BMP6: variants seen among roughly 807,000 people sequenced by gnomAD.
BMP6 encodes VG-1-R.
A neutral mutation model predicts 54.1 loss-of-function variants in BMP6; 17 were observed. The observed-to-expected ratio is 0.31, with a 90% CI of 0.22 to 0.47. The LOEUF is 0.47. BMP6 is among the 20% of genes least tolerant of loss of function. BMP6 has a pLI of 1.00. For missense variants in BMP6, 720 were observed against 690.4 expected (o/e 1.04, Z -0.48); for synonymous variants, 328 against 291.2 (o/e 1.13, Z -1.28).
chr6:7,768,624 G>A (rs1247596252), intron 1 of BMP6, among the ~76,000 whole-genome samples: 1 of 152,104 alleles, frequency 6.6e-6, no homozygotes, highest in East Asian at 1.9e-4. Flanking sequence ...TTTTTGCCCC[G>A]TTCTTATTGA....
chr6:7,860,961 T>C (rs1309510400), intron 2 of BMP6, among the ~76,000 whole-genome samples: 1 of 152,122 alleles, frequency 6.6e-6, no homozygotes, highest in Non-Finnish European at 1.5e-5. Flanking sequence ...TTTTTAGAGC[T>C]TATTAGCCAT....
At chr6:7,825,226 C>CTGTT (rs2113228787) in intron 1 of BMP6, among the ~76,000 whole-genome samples, 1 of 151,814 alleles carries the variant, frequency 6.6e-6, no homozygotes, top group Admixed American at 6.6e-5. Context: ...CTTACGTGAG[C>CTGTT]TGTAATCACA....
At chr6:7,789,094 A>G (rs1758058765) in intron 1 of BMP6, among the ~76,000 whole-genome samples, 1 of 152,216 alleles carries the variant, frequency 6.6e-6, no homozygotes, top group African/African-American at 2.4e-5. Context: ...TAACATATCC[A>G]TCACCTCGGT....
intron 1 of BMP6, among the ~76,000 whole-genome samples, chr6:7,753,895 G>A (rs1322742486): frequency 2.0e-5 from 3 of 152,016 alleles, no homozygotes; most frequent in African/African-American, 7.3e-5. Context: ...CGAAATATTT[G>A]GGGATTTACT....
At chr6:7,844,984 G>A (rs1759037788) in intron 1 of BMP6, among the ~76,000 whole-genome samples, 156 bp from the exon 2 acceptor site, 1 of 152,084 alleles carries the variant, frequency 6.6e-6, no homozygotes. Flanking sequence ...TCCTCCTCAT[G>A]GGCCAGCCAG....
intron 1 of BMP6, among the ~76,000 whole-genome samples, chr6:7,828,953 GC>G (rs1758745634): frequency 6.6e-6 from 1 of 152,214 alleles, no homozygotes. Flanking sequence ...GTGTCCCAGG[GC>G]TTGGCACAGT....
At chr6:7,732,300 G>T (rs1283160792) in intron 1 of BMP6, among the ~76,000 whole-genome samples, 1 of 152,206 alleles carries the variant, frequency 6.6e-6, no homozygotes, top group East Asian at 1.9e-4. Flanking sequence ...ATTACAAAGA[G>T]TAAATTTGAA....
chr6:7,806,466 C>T (rs901322293), intron 1 of BMP6, among the ~76,000 whole-genome samples: 1 of 152,000 alleles, frequency 6.6e-6, no homozygotes, highest in African/African-American at 2.4e-5. Flanking sequence ...CTTTTTCTTC[C>T]CCTACCTGAA....
At chr6:7,834,053 C>T (rs1294194971) in intron 1 of BMP6, among the ~76,000 whole-genome samples, 1 of 152,122 alleles carries the variant, frequency 6.6e-6, no homozygotes, top group Non-Finnish European at 1.5e-5. Context: ...AACACTAGCG[C>T]TGATCCTGAG....
At chr6:7,802,653 C>T (rs1407842953) in intron 1 of BMP6, among the ~76,000 whole-genome samples, 1 of 152,150 alleles carries the variant, frequency 6.6e-6, no homozygotes, top group South Asian at 2.1e-4. Context: ...TGGGTGCTGC[C>T]ATCAGCAACA....
intron 4 of BMP6, 26 bp downstream of exon 4, chr6:7,862,524 C>G: frequency 6.2e-7 from 1 of 1,612,446 alleles, no homozygotes; most frequent in Non-Finnish European, 8.5e-7. Flanking sequence ...GCCTGTGTTT[C>G]CAGAAAGCCT....
At chr6:7,840,449 G>T (rs1020919929) in intron 1 of BMP6, among the ~76,000 whole-genome samples, 4 of 152,072 alleles carry the variant, frequency 2.6e-5, no homozygotes, top group African/African-American at 9.7e-5. Context: ...ACATCCTTTT[G>T]TATGTATAAT....
rs551839594 is a variant in BMP6, at chr6:7,836,212, A to T, written c.665-8928A>T. ...TGGTTTTAACATGATTTTTTTTTTA[A>T]AAAAAAATGACTATTAACCCTTTGT... On this transcript the variant is annotated intron_variant, in intron 1 of 6. Coordinates refer to ENST00000283147, the MANE Select transcript of BMP6 (RefSeq NM_001718.6). Among the ~76,000 whole-genome samples the T allele has an allele frequency of 3.1e-3, 405 of 132,260 alleles. 4 individuals carry two copies. The highest frequency in any genetic ancestry group is 0.013 in the African/African-American group (370 of 29,316). 86.8% of individuals were successfully genotyped at this position (132,260 alleles called of 152,430 possible).
chr6:7,745,308 C>T (rs1019351242), intron 1 of BMP6, among the ~76,000 whole-genome samples: 1 of 152,244 alleles, frequency 6.6e-6, no homozygotes, highest in African/African-American at 2.4e-5. Context: ...GAGTCTCACT[C>T]TGTCACCCAG....
rs557968667 is a variant in BMP6, at chr6:7,788,890, A to G, written c.665-56250A>G. ...ATCTCTGTTTTTTTTTTTTTTTTTA[A>G]AGTGTTCTGTGCTTTGCTCTCCAAG... On this transcript the variant is annotated intron_variant, in intron 1 of 6. Coordinates refer to ENST00000283147, the MANE Select transcript of BMP6 (RefSeq NM_001718.6). 3.5e-5 allele frequency among the ~76,000 whole-genome samples: 5 copies of G among 141,938 alleles called. No individual in the cohort carries two copies. In the South Asian group the frequency reaches 1.1e-3, roughly 32 times the overall value. 93.1% of individuals were successfully genotyped at this position (141,938 alleles called of 152,430 possible).
chr6:7,823,778 G>C (rs549592021), intron 1 of BMP6, among the ~76,000 whole-genome samples: 93 of 152,314 alleles, frequency 6.1e-4, no homozygotes, highest in Middle Eastern at 3.4e-3. Context: ...GGGGCCTTCA[G>C]CGTTTCCCTG....
At chr6:7,841,360 CCATT>C (rs1414855756) in intron 1 of BMP6, among the ~76,000 whole-genome samples, 4 of 152,138 alleles carry the variant, frequency 2.6e-5, no homozygotes, top group Admixed American at 2.6e-4. Flanking sequence ...CCTTTCTCTC[CCATT>C]CATATTTCTT....
At chr6:7,842,113 CTTG>C (rs965049103) in intron 1 of BMP6, among the ~76,000 whole-genome samples, 3 of 152,114 alleles carry the variant, frequency 2.0e-5, no homozygotes, top group African/African-American at 7.2e-5. Flanking sequence ...CCCCCTTTCC[CTTG>C]TTGTGTTAGT....
intron 1 of BMP6, among the ~76,000 whole-genome samples, chr6:7,818,000 A>AT (rs1318737364): frequency 6.6e-5 from 10 of 152,206 alleles, no homozygotes; most frequent in Non-Finnish European, 1.5e-5. Flanking sequence ...CAGGTCACAC[A>AT]TTTTTTAAAA....
Sources: allele counts gnomAD v4.1 joint callset (sites outside exome capture counted in the v4.1 genomes callset), GRCh38; gene constraint gnomAD v4.1.1; transcripts MANE v1.5; gene names NCBI Gene and HGNC (gene_info 2026-07-23, HGNC 2026-07-21).